Variants in PCDHGA3 observed in about 807,000 individuals in gnomAD.
The protein encoded by PCDHGA3 is protocadherin gamma-A3.
A neutral mutation model predicts 58.5 loss-of-function variants in PCDHGA3; 40 were observed. The ratio of observed to expected loss-of-function variants is 0.68; its 90% CI spans 0.53 to 0.89. The LOEUF (loss-of-function observed/expected upper bound fraction) is 0.89, where lower values mean the gene tolerates loss of function less well. PCDHGA3 is among the 40% of genes least tolerant of loss of function. The pLI, the probability that PCDHGA3 is intolerant of heterozygous loss-of-function variation, is 0.00. For synonymous variants in PCDHGA3, 530 were observed against 525.7 expected (o/e 1.01, Z -0.11); for missense variants, 1,223 against 1,195.9 (o/e 1.02, Z -0.33).
At position 141,373,421 on chromosome 5, in the gene PCDHGA3, G is replaced by A. The variant is rs139166526; in HGVS notation, c.2424+26964G>A. The stretch of plus-strand genomic sequence containing the variant: ...GCCTGTAGTCCCAGCTACTCGGGAG[G>A]CTGAGGTGGGAGGATCCCTTGATCC... On this transcript the variant is annotated intron_variant, in intron 1 of 3. Transcript: ENST00000253812. 4.0e-3 allele frequency among the ~76,000 whole-genome samples: 615 copies of A among 152,344 alleles called. 6 individuals carry two copies. The highest frequency in any genetic ancestry group is 0.011 in the Admixed American group (171 of 15,306).
intron 1 of PCDHGA3, among the ~76,000 whole-genome samples, chr5:141,454,062 A>T (rs548960162): frequency 6.6e-6 from 1 of 152,380 alleles, no homozygotes; most frequent in East Asian, 1.9e-4. Context: ...CAAAGAAACA[A>T]AAGTGATAAT....
chr5:141,404,215 G>A, intron 1 of PCDHGA3: 1 of 1,613,346 alleles, frequency 6.2e-7, no homozygotes, highest in Non-Finnish European at 8.5e-7. Context: ...ATAATATCAC[G>A]GTGACTGCAA....
At chr5:141,419,029 T>C in intron 1 of PCDHGA3, 1 of 1,613,886 alleles carries the variant, frequency 6.2e-7, no homozygotes, top group Non-Finnish European at 8.5e-7. Flanking sequence ...GTAGAGGTGT[T>C]CCATTTAAGA....
Position 141,511,065 on chromosome 5 carries a change from C to T in PCDHGA3, c.2691C>T (p.Ile897=). Residue 897 remains isoleucine, a synonymous_variant, in exon 4 of 4, where the codon ATC becomes ATT. Transcript: ENST00000253812. ...HVPDYRQNVY[I]PGSNATLTNA... ...CCGACTACCGCCAGAATGTCTACATCCCAGGCAGCAATGCCACACTGACCA... is the reference window on the plus strand; with the variant it reads ...CCGACTACCGCCAGAATGTCTACATTCCAGGCAGCAATGCCACACTGACCA... The T allele has an allele frequency of 6.2e-7, 1 of 1,614,222 alleles. No individual in the cohort carries two copies. Among genetic ancestry groups the T allele is most frequent in the Middle Eastern group, 1.6e-4 (1 of 6,062 alleles).
chr5:141,480,457 G>GT (rs1309116577), intron 1 of PCDHGA3, among the ~76,000 whole-genome samples: 4 of 152,060 alleles, frequency 2.6e-5, no homozygotes, highest in Non-Finnish European at 5.9e-5. Flanking sequence ...ATTTTTATTA[G>GT]TTCCTCACTC....
intron 1 of PCDHGA3, chr5:141,355,496 C>G: frequency 6.2e-7 from 1 of 1,614,080 alleles, no homozygotes; most frequent in Non-Finnish European, 8.5e-7. Flanking sequence ...TGCGACAGAT[C>G]TCCAAACTGT....
rs1031624761 is a variant in PCDHGA3 at position 141,433,138 on chromosome 5, G to A, written c.2425-61669G>A. The A allele has an allele frequency of 2.5e-6, 4 of 1,614,038 alleles. No individual in the cohort carries two copies. In the Admixed American group the frequency reaches 6.7e-5, roughly 27 times the overall value. On this transcript the variant is annotated intron_variant, in intron 1 of 3. Coordinates refer to ENST00000253812, the MANE Select transcript of PCDHGA3 (RefSeq NM_018916.4). ...TTGAAAAAAGCGAGCCCCTTTTGCT[G>A]TCAGGTGATTCGGTATTTTCTAAAG...
At position 141,365,281 on chromosome 5, in the gene PCDHGA3, G is replaced by T. The variant is rs752099096; in HGVS notation, c.2424+18824G>T. The stretch of plus-strand genomic sequence containing the variant: ...ATGAAGAATCCAGATTCTACCTCAT[G>T]GAAGTGGTAGCTCAGGATGGAGGCG... On this transcript the variant is annotated intron_variant, in intron 1 of 3. Coordinates refer to ENST00000253812, the MANE Select transcript of PCDHGA3 (RefSeq NM_018916.4). 5 of 1,614,000 alleles carry T rather than the reference G, an allele frequency of 3.1e-6. No homozygotes were observed. The Admixed American group carries it at 8.3e-5, about 27-fold the overall frequency.
chr5:141,428,392 T>A, intron 1 of PCDHGA3: 1 of 497,196 alleles, frequency 2.0e-6, no homozygotes, highest in Admixed American at 3.1e-5. Flanking sequence ...TTCCAGCCCC[T>A]CTGCCTGGGG....
chr5:141,427,638 C>A, intron 1 of PCDHGA3: 1 of 708,528 alleles, frequency 1.4e-6, no homozygotes, highest in East Asian at 2.7e-5. Context: ...GGTTTTCCAC[C>A]AAGTCTCCTA....
rs748803155 is a variant in PCDHGA3, at chr5:141,490,087, G to C, written c.2425-4720G>C. ...CGGCCAACTAGACTATTCTTTTGGAGACCACACATCTGAGGCAGTGCGGAA... is the reference window on the plus strand; with the variant it reads ...CGGCCAACTAGACTATTCTTTTGGACACCACACATCTGAGGCAGTGCGGAA... On this transcript the variant is annotated intron_variant, in intron 1 of 3. Transcript: ENST00000253812. The surrounding 1 kb of genome is among the most constrained non-coding windows in gnomAD (Gnocchi z 5.4). 1.9e-6 allele frequency: 3 copies of C among 1,614,244 alleles called. No individual in the cohort carries two copies. Among genetic ancestry groups the C allele is most frequent in the Non-Finnish European group, 2.5e-6 (3 of 1,180,044 alleles).
rs762574320 is a variant in PCDHGA3, at chr5:141,485,926, G to T, written c.2425-8881G>T. 2.5e-6 allele frequency: 4 copies of T among 1,614,090 alleles called. No individual in the cohort carries two copies. The highest frequency in any genetic ancestry group is 3.4e-6 in the Non-Finnish European group (4 of 1,180,052). On this transcript the variant is annotated intron_variant, in intron 1 of 3. Transcript: ENST00000253812. This position sits in a 1 kb window ranked among gnomAD's most constrained non-coding sequence, Gnocchi z 5.7. Reference sequence around the variant, plus strand: ...AGCAATCCAGCTACAGGATTAGTGTGTTGGAGAGCGCACCAGCGGGCATGG... The same window carrying T: ...AGCAATCCAGCTACAGGATTAGTGTTTTGGAGAGCGCACCAGCGGGCATGG...
chr5:141,408,540 C>G (rs201370009), intron 1 of PCDHGA3: 4 of 1,613,928 alleles, frequency 2.5e-6, no homozygotes, highest in Non-Finnish European at 3.4e-6. Flanking sequence ...GTGGAAAATC[C>G]TTTAAATATT....
At chr5:141,456,593 G>C (rs917316601) in intron 1 of PCDHGA3, among the ~76,000 whole-genome samples, 2 of 152,168 alleles carry the variant, frequency 1.3e-5, no homozygotes, top group African/African-American at 4.8e-5. Flanking sequence ...CAATAATTTT[G>C]ATTTGATTTT....
chr5:141,372,325 T>A (rs1459758319), intron 1 of PCDHGA3: 1 of 1,613,556 alleles, frequency 6.2e-7, no homozygotes. Flanking sequence ...CGCCTGCTGG[T>A]CACTGTGCGT....
chr5:141,344,788 G>T lies in PCDHGA3; in HGVS notation c.755G>T (p.Trp252Leu), dbSNP rs373887842. 1.5e-4 allele frequency: 235 copies of T among 1,613,866 alleles called. No homozygotes were observed. The highest frequency in any genetic ancestry group is 1.9e-4 in the Non-Finnish European group (221 of 1,179,906). ...FTQPEYRVSVWENVPVGTRLL... is the reference protein window; with the variant it reads ...FTQPEYRVSVLENVPVGTRLL... Reference sequence around the variant, plus strand: ...CAGCCTGAGTACCGTGTGAGTGTTTGGGAGAACGTGCCTGTGGGTACCCGG... The same window carrying T: ...CAGCCTGAGTACCGTGTGAGTGTTTTGGAGAACGTGCCTGTGGGTACCCGG... The change falls in exon 1 of 4, where the codon TGG becomes TTG. Residue 252 changes from tryptophan (W) to leucine (L), a missense_variant. By Grantham distance (61) the Trp-to-Leu change is moderately conservative. This residue lies in a region of PCDHGA3 where 791 missense variants were observed against 708.5 expected (regional missense o/e 1.12). Transcript: ENST00000253812.
intron 2 of PCDHGA3, among the ~76,000 whole-genome samples, chr5:141,503,292 A>T (rs7710319): frequency 0.52 from 78,681 of 151,966 alleles, 21,044 homozygotes; most frequent in African/African-American, 0.62. Flanking sequence ...TGGTACATAG[A>T]AATTGCTCAA....
chr5:141,387,741 G>A, intron 1 of PCDHGA3: 7 of 1,332,868 alleles, frequency 5.3e-6, no homozygotes, highest in Non-Finnish European at 6.1e-6. Context: ...CCTTTACACC[G>A]CTTCCTCCTC....
intron 2 of PCDHGA3, among the ~76,000 whole-genome samples, chr5:141,497,809 G>A (rs1256990692): frequency 1.3e-5 from 2 of 152,190 alleles, no homozygotes. Context: ...CAAAGTGCTA[G>A]AATTACAGGT....
Sources: gnomAD v4.1 joint callset for allele counts (sites outside exome capture counted in the v4.1 genomes callset) on GRCh38, gnomAD v4.1.1 for gene constraint, gnomAD v4.1.1 regional missense constraint, Gnocchi (gnomAD v3.1) non-coding constraint, MANE v1.5 for transcripts, NCBI Gene and HGNC (gene_info 2026-07-23, HGNC 2026-07-21) for gene names.